BMPR1B: variants seen among roughly 807,000 people sequenced by gnomAD.
The protein encoded by BMPR1B is bone morphogenetic protein receptor type 1B.
Under a neutral mutation model 59.1 loss-of-function variants are expected in BMPR1B, and 12 were observed. The observed-to-expected ratio is 0.20, with a 90% CI of 0.13 to 0.33. The LOEUF is 0.33. BMPR1B is among the 10% of genes least tolerant of loss of function. The pLI, the probability that BMPR1B is intolerant of heterozygous loss-of-function variation, is 1.00. For synonymous variants in BMPR1B, 237 were observed against 207.3 expected (o/e 1.14, Z -1.23); for missense variants, 550 against 610.9 (o/e 0.90, Z 1.05).
At chr4:95,087,669 C>T (rs1729686482) in intron 3 of BMPR1B, among the ~76,000 whole-genome samples, 1 of 152,092 alleles carries the variant, frequency 6.6e-6, no homozygotes, top group Non-Finnish European at 1.5e-5. Context: ...GAGATTGAGG[C>T]TGCAGTTAGC....
At position 94,835,233 on chromosome 4, in the gene BMPR1B, G is replaced by A. The variant is rs141393062; in HGVS notation, c.-182-40598G>A. ...ATTAAAGAACATTTTCAAAGGTGGG[G>A]TTAAGTAGCCCAGGCTGGCTTGAAC... is the stretch of plus-strand genomic sequence containing the variant. On this transcript the variant is annotated intron_variant, in intron 1 of 12. Coordinates refer to ENST00000515059, the MANE Select transcript of BMPR1B (RefSeq NM_001203.3). Among the ~76,000 whole-genome samples, 50 of 152,172 alleles carry A rather than the reference G, an allele frequency of 3.3e-4. 1 individual carries two copies. In the East Asian group the frequency reaches 5.6e-3, roughly 17 times the overall value.
intron 1 of BMPR1B, among the ~76,000 whole-genome samples, chr4:94,770,181 TGTTTG>T (rs796833151): frequency 0.024 from 1,019 of 42,540 alleles, 66 homozygotes; most frequent in African/African-American, 0.065. Context: ...TTCGTTTCTG[TGTTTG>T]TTTTTTTTTT....
intron 1 of BMPR1B, among the ~76,000 whole-genome samples, chr4:94,794,753 T>A (rs867987592): frequency 6.6e-5 from 10 of 152,110 alleles, no homozygotes; most frequent in African/African-American, 1.9e-4. Flanking sequence ...TAAATTGGAT[T>A]CCTAGGTATT....
At chr4:94,906,234 T>C (rs567580739) in intron 2 of BMPR1B, among the ~76,000 whole-genome samples, 2 of 152,172 alleles carry the variant, frequency 1.3e-5, no homozygotes, top group African/African-American at 4.8e-5. Flanking sequence ...TAGAGTTAAG[T>C]CTAGTTGATT....
intron 1 of BMPR1B, among the ~76,000 whole-genome samples, chr4:94,859,757 A>G (rs1024638322): frequency 1.3e-5 from 2 of 152,140 alleles, no homozygotes; most frequent in African/African-American, 4.8e-5. Context: ...AGTATTTAAT[A>G]TTTGAGAAAT....
intron 1 of BMPR1B, among the ~76,000 whole-genome samples, chr4:94,806,415 T>G (rs1414434022): frequency 6.6e-6 from 1 of 152,260 alleles, no homozygotes; most frequent in East Asian, 1.9e-4. Flanking sequence ...TAAACAAGTT[T>G]AAAGTTCAGC....
At chr4:95,036,626 A>G (rs1725261094) in intron 3 of BMPR1B, among the ~76,000 whole-genome samples, 1 of 151,272 alleles carries the variant, frequency 6.6e-6, no homozygotes, top group South Asian at 2.1e-4. Flanking sequence ...TTGATGGACA[A>G]TTAGGTTTCT....
At chr4:94,903,531 AAG>A in intron 2 of BMPR1B, among the ~76,000 whole-genome samples, 1 of 151,544 alleles carries the variant, frequency 6.6e-6, no homozygotes, top group African/African-American at 2.4e-5. Flanking sequence ...TTTTTTTAAA[AAG>A]ACAATCTTTT....
At position 94,899,235 on chromosome 4, in the gene BMPR1B, G is replaced by A. The variant is rs368757778; in HGVS notation, c.-113+23335G>A. Among the ~76,000 whole-genome samples, 51 of 151,950 alleles carry A rather than the reference G, an allele frequency of 3.4e-4. 1 individual carries two copies. The East Asian group carries it at 4.7e-3, about 14-fold the overall frequency. Reference sequence around the variant, plus strand: ...ATTTAGGGCCTATGTGGATAATCTAGGATAGTCTTCCCACCACAAAATCCT... The same window carrying A: ...ATTTAGGGCCTATGTGGATAATCTAAGATAGTCTTCCCACCACAAAATCCT... On this transcript the variant is annotated intron_variant, in intron 2 of 12. Transcript: ENST00000515059.
At chr4:95,008,112 A>G (rs546434707) in intron 3 of BMPR1B, among the ~76,000 whole-genome samples, 20 of 152,316 alleles carry the variant, frequency 1.3e-4, no homozygotes, top group East Asian at 1.9e-4. Flanking sequence ...TTTCCTGACT[A>G]TTTTAATAAG....
chr4:95,064,418 C>T (rs1366133016), intron 3 of BMPR1B, among the ~76,000 whole-genome samples: 1 of 152,036 alleles, frequency 6.6e-6, no homozygotes, highest in Non-Finnish European at 1.5e-5. Context: ...GGTTCATGCA[C>T]AGTTGTGGGC....
chr4:94,771,896 A>C (rs1295958937), intron 1 of BMPR1B, among the ~76,000 whole-genome samples: 1 of 152,202 alleles, frequency 6.6e-6, no homozygotes, highest in Non-Finnish European at 1.5e-5. Flanking sequence ...TTTTAAACTT[A>C]AAAATTATTT....
At chr4:94,915,263 TC>T (rs200528625) in intron 2 of BMPR1B, among the ~76,000 whole-genome samples, 2 of 152,200 alleles carry the variant, frequency 1.3e-5, no homozygotes, top group East Asian at 3.9e-4. Context: ...TACATTTTTT[TC>T]TTCTTTGTTT....
intron 1 of BMPR1B, among the ~76,000 whole-genome samples, chr4:94,843,716 G>A (rs1164226694): frequency 6.6e-6 from 1 of 150,962 alleles, no homozygotes; most frequent in Non-Finnish European, 1.5e-5. Context: ...ATTCAAAAGA[G>A]GTGTGGTAAA....
intron 3 of BMPR1B, among the ~76,000 whole-genome samples, chr4:95,092,267 T>G (rs1011943127): frequency 1.3e-5 from 2 of 152,086 alleles, no homozygotes; most frequent in Admixed American, 1.3e-4. Flanking sequence ...TTTGGAGAAG[T>G]GAGGGCAAGT....
chr4:94,762,508 G>A (rs1306053206), intron 1 of BMPR1B, among the ~76,000 whole-genome samples: 2 of 152,184 alleles, frequency 1.3e-5, no homozygotes, highest in Non-Finnish European at 2.9e-5. Context: ...GTCTCTAAAA[G>A]TAGCAAGCTA....
At chr4:94,778,004 C>A (rs1032028567) in intron 1 of BMPR1B, among the ~76,000 whole-genome samples, 1 of 149,702 alleles carries the variant, frequency 6.7e-6, no homozygotes, top group African/African-American at 2.5e-5. Context: ...CCAGCCTGGG[C>A]GACAAGAGCA....
intron 3 of BMPR1B, among the ~76,000 whole-genome samples, chr4:95,042,793 C>G (rs1035956875): frequency 2.0e-5 from 3 of 152,178 alleles, no homozygotes; most frequent in African/African-American, 7.2e-5. Context: ...CATCTCCTGC[C>G]AAGACATCTT....
At chr4:94,910,322 A>G (rs1057507498) in intron 2 of BMPR1B, among the ~76,000 whole-genome samples, 1 of 152,028 alleles carries the variant, frequency 6.6e-6, no homozygotes, top group Non-Finnish European at 1.5e-5. Context: ...ATATTATCCC[A>G]TGCAATATTT....
Sources: gnomAD v4.1 joint callset for allele counts (sites outside exome capture counted in the v4.1 genomes callset) on GRCh38, gnomAD v4.1.1 for gene constraint, MANE v1.5 for transcripts, NCBI Gene and HGNC (gene_info 2026-07-23, HGNC 2026-07-21) for gene names.